Variants in LDB2 observed in about 807,000 individuals in gnomAD.
LDB2 encodes the protein LIM domain binding 2.
A neutral mutation model predicts 44.3 loss-of-function variants in LDB2; 12 were observed. That is an observed-to-expected ratio of 0.27 (90% CI 0.17 to 0.44). The LOEUF (loss-of-function observed/expected upper bound fraction) is 0.44. Ranked by LOEUF, LDB2 falls within the 20% of genes least tolerant of loss-of-function variation. The pLI, the probability that LDB2 is intolerant of heterozygous loss-of-function variation, is 1.00. For synonymous variants in LDB2, 164 were observed against 174.8 expected (o/e 0.94, Z 0.49); for missense variants, 344 against 473.5 (o/e 0.73, Z 2.54).
intron 2 of LDB2, among the ~76,000 whole-genome samples, chr4:16,713,022 A>G (rs1374308533): frequency 6.6e-6 from 1 of 152,270 alleles, no homozygotes; most frequent in Non-Finnish European, 1.5e-5. Flanking sequence ...ATTTGGCAAT[A>G]GAAAGGAACG....
intron 1 of LDB2, among the ~76,000 whole-genome samples, chr4:16,805,741 G>C (rs1677046029): frequency 6.6e-6 from 1 of 152,208 alleles, no homozygotes; most frequent in Admixed American, 6.5e-5. Context: ...TCCTCTGACT[G>C]CATGTAGAAT....
intron 5 of LDB2, among the ~76,000 whole-genome samples, chr4:16,563,045 A>C (rs558065636): frequency 6.6e-6 from 1 of 151,708 alleles, no homozygotes; most frequent in African/African-American, 2.4e-5. Context: ...GAAGGGGAAC[A>C]TCACACTCTG....
At chr4:16,756,049 A>G (rs1033686550) in intron 2 of LDB2, among the ~76,000 whole-genome samples, 1 of 152,218 alleles carries the variant, frequency 6.6e-6, no homozygotes, top group African/African-American at 2.4e-5. Context: ...GAGGGTCAAT[A>G]CTGAGGAGCT....
At chr4:16,573,762 C>G (rs1263585278) in intron 5 of LDB2, among the ~76,000 whole-genome samples, 1 of 152,076 alleles carries the variant, frequency 6.6e-6, no homozygotes, top group Non-Finnish European at 1.5e-5. Flanking sequence ...GAATGGTATA[C>G]CTGGATTCCA....
intron 1 of LDB2, among the ~76,000 whole-genome samples, chr4:16,865,061 G>A (rs928346971): frequency 6.6e-6 from 1 of 152,058 alleles, no homozygotes; most frequent in Non-Finnish European, 1.5e-5. Flanking sequence ...TACCCACCTG[G>A]CCAACATGGT....
chr4:16,686,681 A>G (rs746721899), intron 2 of LDB2, among the ~76,000 whole-genome samples: 59 of 152,338 alleles, frequency 3.9e-4, no homozygotes, highest in South Asian at 1.0e-3. Context: ...TGTTCTTGAC[A>G]TGGTTACAGA....
At chr4:16,805,705 T>C (rs1348108996) in intron 1 of LDB2, among the ~76,000 whole-genome samples, 2 of 152,146 alleles carry the variant, frequency 1.3e-5, no homozygotes, top group African/African-American at 2.4e-5. Flanking sequence ...AATGCCAGGA[T>C]AGCAATTACA....
chr4:16,633,984 A>G (rs1323283038), intron 2 of LDB2, among the ~76,000 whole-genome samples: 2 of 152,234 alleles, frequency 1.3e-5, no homozygotes, highest in African/African-American at 4.8e-5. Flanking sequence ...CTGATCTTTG[A>G]CAAACTTGAC....
At chr4:16,814,705 G>A (rs1244129129) in intron 1 of LDB2, among the ~76,000 whole-genome samples, 2 of 152,142 alleles carry the variant, frequency 1.3e-5, no homozygotes, top group Admixed American at 1.3e-4. Flanking sequence ...ATTATGGTTT[G>A]GAATATGACC....
intron 1 of LDB2, among the ~76,000 whole-genome samples, chr4:16,897,864 G>A (rs1202024875): frequency 7.1e-6 from 1 of 140,358 alleles, no homozygotes; most frequent in African/African-American, 2.6e-5. Flanking sequence ...ACAGGTCAAA[G>A]CAGACTTCCT....
At chr4:16,870,038 C>G (rs1716003413) in intron 1 of LDB2, among the ~76,000 whole-genome samples, 1 of 152,110 alleles carries the variant, frequency 6.6e-6, no homozygotes. Flanking sequence ...TGGTGGGATG[C>G]CAGCCAGCAG....
chr4:16,856,825 G>A (rs952028041), intron 1 of LDB2, among the ~76,000 whole-genome samples: 5 of 152,138 alleles, frequency 3.3e-5, no homozygotes, highest in African/African-American at 1.2e-4. Context: ...GTCCAGCGTG[G>A]TTAAGTCACT....
chr4:16,532,240 A>AACACAC lies in LDB2; in HGVS notation c.616-20142_616-20137dup, dbSNP rs897278830. On this transcript the variant is annotated intron_variant, in intron 5 of 7. Transcript: ENST00000304523. ...ACAATGTTTTCTTCGGGTCCACACA[A>AACACAC]ACACACACACATATACCCTTCCATA... is the stretch of plus-strand genomic sequence containing the variant. Among the ~76,000 whole-genome samples, 8 of 152,236 alleles carry AACACAC rather than the reference A, an allele frequency of 5.3e-5. No homozygotes were observed. In the East Asian group the frequency reaches 1.5e-3, roughly 29 times the overall value.
At chr4:16,695,723 C>T (rs1468904786) in intron 2 of LDB2, among the ~76,000 whole-genome samples, 1 of 152,180 alleles carries the variant, frequency 6.6e-6, no homozygotes, top group Non-Finnish European at 1.5e-5. Context: ...TGACACAACA[C>T]ATCCATGAAT....
chr4:16,769,772 T>C (rs1770234407), intron 1 of LDB2, among the ~76,000 whole-genome samples: 1 of 152,250 alleles, frequency 6.6e-6, no homozygotes, highest in African/African-American at 2.4e-5. Flanking sequence ...ACATAGCAAA[T>C]TGTGTGTTTT....
At chr4:16,742,279 C>T (rs1272899378) in intron 2 of LDB2, among the ~76,000 whole-genome samples, 1 of 152,050 alleles carries the variant, frequency 6.6e-6, no homozygotes, top group Non-Finnish European at 1.5e-5. Context: ...ACCATGTTGG[C>T]CAGGATGGTC....
At chr4:16,863,525 C>T (rs771374122) in intron 1 of LDB2, among the ~76,000 whole-genome samples, 24 of 152,202 alleles carry the variant, frequency 1.6e-4, no homozygotes, top group Admixed American at 2.6e-4. Context: ...GACAGTTACA[C>T]CCTGCTACAT....
At chr4:16,743,429 T>C (rs1461551917) in intron 2 of LDB2, among the ~76,000 whole-genome samples, 2 of 152,128 alleles carry the variant, frequency 1.3e-5, no homozygotes, top group Admixed American at 1.3e-4. Context: ...CTCTCCTTGA[T>C]CATGAGTGGC....
chr4:16,690,477 G>A (rs1410408588), intron 2 of LDB2, among the ~76,000 whole-genome samples: 6 of 48,342 alleles, frequency 1.2e-4, no homozygotes, highest in African/African-American at 3.6e-4. Flanking sequence ...AAGGAAGGAA[G>A]GAAGGGAGGG....
Sources: allele counts gnomAD v4.1 joint callset (sites outside exome capture counted in the v4.1 genomes callset), GRCh38; gene constraint gnomAD v4.1.1; transcripts MANE v1.5; gene names NCBI Gene and HGNC (gene_info 2026-07-23, HGNC 2026-07-21).